ESRRG: variants seen among roughly 807,000 people sequenced by gnomAD.
ESRRG encodes estrogen-related receptor gamma.
ESRRG carries 13 observed loss-of-function variants against 44.0 expected under a neutral mutation model. The observed-to-expected ratio is 0.30, with a 90% CI of 0.19 to 0.47. ESRRG has a LOEUF of 0.47. ESRRG is among the 20% of genes least tolerant of loss of function. ESRRG has a pLI of 1.00. For missense variants in ESRRG, 395 were observed against 580.6 expected (o/e 0.68, Z 3.29); for synonymous variants, 215 against 214.6 (o/e 1.00, Z -0.02).
chr1:216,883,517 T>C (rs2096478662), intron 2 of ESRRG, among the ~76,000 whole-genome samples: 1 of 151,954 alleles, frequency 6.6e-6, no homozygotes, highest in Admixed American at 6.6e-5. Flanking sequence ...TCCGAGAGAT[T>C]CTATTGCTTC....
chr1:216,880,266 C>T (rs1418130958), intron 2 of ESRRG, among the ~76,000 whole-genome samples: 1 of 130,518 alleles, frequency 7.7e-6, no homozygotes, highest in Non-Finnish European at 1.5e-5. Flanking sequence ...AAGATTGTGC[C>T]ACTGCACTCC....
chr1:216,748,318 T>A (rs1559496912), intron 2 of ESRRG, among the ~76,000 whole-genome samples: 2 of 152,202 alleles, frequency 1.3e-5, no homozygotes, highest in East Asian at 3.8e-4. Context: ...GGACCCCATT[T>A]TTTTAATGCA....
At chr1:217,103,814 A>G (rs1044027953) in intron 1 of ESRRG, among the ~76,000 whole-genome samples, 4 of 152,140 alleles carry the variant, frequency 2.6e-5, no homozygotes, top group Non-Finnish European at 4.4e-5. Flanking sequence ...AGAAGGAACC[A>G]AGCATTAAGG....
At chr1:216,621,831 T>C (rs777574887) in intron 3 of ESRRG, among the ~76,000 whole-genome samples, 1 of 152,236 alleles carries the variant, frequency 6.6e-6, no homozygotes, top group Non-Finnish European at 1.5e-5. Flanking sequence ...AGGTTAATTC[T>C]GCCTTAGGAA....
At chr1:216,675,220 C>T (rs1007715930) in intron 2 of ESRRG, among the ~76,000 whole-genome samples, 4 of 151,862 alleles carry the variant, frequency 2.6e-5, no homozygotes, top group East Asian at 2.0e-4. Flanking sequence ...ATTAGAGAAG[C>T]GTGTTGGTGC....
At chr1:216,824,338 C>CA (rs1258091981) in intron 2 of ESRRG, among the ~76,000 whole-genome samples, 2 of 152,084 alleles carry the variant, frequency 1.3e-5, no homozygotes, top group African/African-American at 4.8e-5. Flanking sequence ...CTCAGCTACT[C>CA]AGAAGGCTAA....
At chr1:216,769,402 A>G (rs984155021) in intron 2 of ESRRG, among the ~76,000 whole-genome samples, 22 of 152,100 alleles carry the variant, frequency 1.4e-4, no homozygotes, top group Admixed American at 1.3e-4. Context: ...GAGTAAACAA[A>G]CCAAATTTAT....
At chr1:216,992,094 T>C (rs540231453) in intron 1 of ESRRG, among the ~76,000 whole-genome samples, 1 of 152,304 alleles carries the variant, frequency 6.6e-6, no homozygotes, top group Admixed American at 6.5e-5. Context: ...ACCAAATGAA[T>C]TGGTTGGACC....
chr1:217,063,985 A>G (rs1488403928), intron 1 of ESRRG, among the ~76,000 whole-genome samples: 1 of 152,090 alleles, frequency 6.6e-6, no homozygotes. Context: ...ATGTCATTTA[A>G]TCTTCACCAT....
intron 2 of ESRRG, among the ~76,000 whole-genome samples, chr1:216,908,717 C>A (rs558195287): frequency 6.6e-6 from 1 of 151,460 alleles, no homozygotes; most frequent in South Asian, 2.1e-4. Flanking sequence ...AAATATTGGG[C>A]AAAACACAAG....
At chr1:216,800,911 GA>G (rs1323747232) in intron 2 of ESRRG, among the ~76,000 whole-genome samples, 1 of 151,812 alleles carries the variant, frequency 6.6e-6, no homozygotes, top group Non-Finnish European at 1.5e-5. Context: ...AACTGAATAG[GA>G]ATTATAAGAA....
chr1:216,778,158 G>A (rs60074131), intron 2 of ESRRG, among the ~76,000 whole-genome samples: 2,618 of 152,094 alleles, frequency 0.017, 83 homozygotes, highest in African/African-American at 0.059. Flanking sequence ...GTGTGCTGGG[G>A]GTGGGGTGTT....
intron 5 of ESRRG, among the ~76,000 whole-genome samples, chr1:216,542,108 GAGAT>G (rs750859079): frequency 4.1e-5 from 6 of 145,284 alleles, no homozygotes; most frequent in South Asian, 4.3e-4. Context: ...GAGAGAGAGA[GAGAT>G]AGAATGTTTT....
chr1:217,104,640 G>A (rs1450294019), intron 1 of ESRRG, among the ~76,000 whole-genome samples: 1 of 152,136 alleles, frequency 6.6e-6, no homozygotes, highest in Non-Finnish European at 1.5e-5. Flanking sequence ...TGGTCCCCAA[G>A]CAAGGTCTTG....
At chr1:216,906,847 T>A (rs1430783143) in intron 2 of ESRRG, among the ~76,000 whole-genome samples, 1 of 152,160 alleles carries the variant, frequency 6.6e-6, no homozygotes, top group Non-Finnish European at 1.5e-5. Flanking sequence ...TTTTGTACAT[T>A]TAGAGATAAA....
At chr1:216,928,408 C>T (rs2062867753) in intron 2 of ESRRG, among the ~76,000 whole-genome samples, 1 of 152,122 alleles carries the variant, frequency 6.6e-6, no homozygotes, top group Non-Finnish European at 1.5e-5. Context: ...TCTCTCAACC[C>T]CACTTCTCAA....
At chr1:216,526,514 G>A (rs555305881) in intron 5 of ESRRG, among the ~76,000 whole-genome samples, 156 of 152,220 alleles carry the variant, frequency 1.0e-3, no homozygotes, top group African/African-American at 3.3e-3. Context: ...TGCAGAGCCC[G>A]CAGAAGGAAC....
chr1:216,625,301 T>G lies in ESRRG; in HGVS notation c.589+25672A>C, dbSNP rs143780271. Among the ~76,000 whole-genome samples, 99 of 152,046 alleles carry G rather than the reference T, an allele frequency of 6.5e-4. No individual in the cohort carries two copies. In the East Asian group the frequency reaches 0.018, roughly 27 times the overall value. ...TTAACTACCACATCTATTCTAATGT[T>G]TCTCTAAACTGGGTCCACCCTGCTT... On this transcript the variant is annotated intron_variant, in intron 3 of 6. Transcript: ENST00000408911.
At chr1:216,851,500 T>C (rs2095841880) in intron 2 of ESRRG, among the ~76,000 whole-genome samples, 1 of 138,562 alleles carries the variant, frequency 7.2e-6, no homozygotes, top group African/African-American at 2.5e-5. Context: ...TGGATGAGAT[T>C]AGTGCCCTTA....
Sources: allele counts gnomAD v4.1 joint callset (sites outside exome capture counted in the v4.1 genomes callset), GRCh38; gene constraint gnomAD v4.1.1; transcripts MANE v1.5; gene names NCBI Gene and HGNC (gene_info 2026-07-23, HGNC 2026-07-21).